Variants in NLGN1 observed in about 807,000 individuals in gnomAD.
NLGN1 encodes the protein neuroligin 1.
A neutral mutation model predicts 65.5 loss-of-function variants in NLGN1; 12 were observed. That is an observed-to-expected ratio of 0.18 (90% CI 0.12 to 0.30). The LOEUF (loss-of-function observed/expected upper bound fraction) is 0.30. Ranked by LOEUF, NLGN1 falls within the 10% of genes least tolerant of loss-of-function variation. The pLI is 1.00. For missense variants in NLGN1, 750 were observed against 1,007.1 expected (o/e 0.74, Z 3.46); for synonymous variants, 350 against 359.5 (o/e 0.97, Z 0.30).
intron 4 of NLGN1, among the ~76,000 whole-genome samples, chr3:174,165,355 T>C (rs1419125971): frequency 6.6e-6 from 1 of 152,064 alleles, no homozygotes; most frequent in Non-Finnish European, 1.5e-5. Flanking sequence ...ACGTGGTTCT[T>C]ATTTTGCGGT....
At chr3:174,231,486 A>T (rs918629164) in intron 4 of NLGN1, among the ~76,000 whole-genome samples, 5 of 152,176 alleles carry the variant, frequency 3.3e-5, no homozygotes, top group Non-Finnish European at 7.3e-5. Flanking sequence ...CTATTGTTAC[A>T]GGTGCATACT....
intron 3 of NLGN1, among the ~76,000 whole-genome samples, chr3:173,740,731 T>G (rs1436312769): frequency 6.6e-6 from 1 of 152,110 alleles, no homozygotes. Context: ...ACACCATAGT[T>G]TATAGGCAAG....
intron 3 of NLGN1, among the ~76,000 whole-genome samples, chr3:173,718,881 A>G (rs1770329505): frequency 6.6e-6 from 1 of 152,192 alleles, no homozygotes; most frequent in Non-Finnish European, 1.5e-5. Context: ...AGGTTTTATG[A>G]TTGGTGAACT....
chr3:174,237,748 G>A (rs1439943030), intron 4 of NLGN1, among the ~76,000 whole-genome samples: 1 of 152,026 alleles, frequency 6.6e-6, no homozygotes, highest in Non-Finnish European at 1.5e-5. Context: ...GTAGAGTTGG[G>A]GTTTCACCAT....
exon 7 of NLGN1, chr3:174,281,462 G>C: frequency 1.8e-6 from 1 of 548,808 alleles, no homozygotes; most frequent in Admixed American, 3.5e-5. Flanking sequence ...AAAATGAATT[G>C]TATATATACA....
At chr3:173,901,372 T>TGG (rs1737346668) in intron 4 of NLGN1, among the ~76,000 whole-genome samples, 1 of 136,072 alleles carries the variant, frequency 7.3e-6, no homozygotes, top group Non-Finnish European at 1.6e-5. Context: ...TTTGGGGGGG[T>TGG]GTGTGTGTGT....
chr3:173,645,359 CT>C (rs1428447967), intron 3 of NLGN1, among the ~76,000 whole-genome samples: 3 of 152,212 alleles, frequency 2.0e-5, no homozygotes, highest in Non-Finnish European at 4.4e-5. Context: ...CAACATTGGG[CT>C]TTTGGAGGTT....
chr3:173,443,532 T>G (rs1465149342), intron 2 of NLGN1, among the ~76,000 whole-genome samples: 1 of 152,042 alleles, frequency 6.6e-6, no homozygotes, highest in African/African-American at 2.4e-5. Flanking sequence ...AATAAACATA[T>G]ATATTGTATG....
intron 4 of NLGN1, among the ~76,000 whole-genome samples, chr3:174,013,309 T>C (rs1725905471): frequency 6.6e-6 from 1 of 152,200 alleles, no homozygotes; most frequent in African/African-American, 2.4e-5. Flanking sequence ...TGAAAGGTTC[T>C]ACTGTTGCAT....
chr3:173,911,213 C>A (rs77028248), intron 4 of NLGN1, among the ~76,000 whole-genome samples: 3,077 of 152,092 alleles, frequency 0.02, 46 homozygotes, highest in African/African-American at 0.039. Context: ...CTGTTACAAG[C>A]GCCAGTGCTT....
At chr3:174,254,576 A>T (rs2152847215) in intron 4 of NLGN1, among the ~76,000 whole-genome samples, 1 of 152,124 alleles carries the variant, frequency 6.6e-6, no homozygotes, top group African/African-American at 2.4e-5. Context: ...GTTAGATGAA[A>T]ATAAACATAT....
intron 4 of NLGN1, among the ~76,000 whole-genome samples, chr3:174,067,076 A>ATACT (rs1738773781): frequency 2.0e-5 from 3 of 152,130 alleles, no homozygotes; most frequent in Non-Finnish European, 4.4e-5. Context: ...CACTGAGAGA[A>ATACT]GTTACCTTAA....
intron 4 of NLGN1, among the ~76,000 whole-genome samples, chr3:174,196,277 A>G (rs1577312170): frequency 6.6e-6 from 1 of 152,110 alleles, no homozygotes; most frequent in South Asian, 2.1e-4. Context: ...ATAGTTATTG[A>G]TAAATCAGAA....
chr3:173,436,274 A>G (rs2148770721), intron 2 of NLGN1, among the ~76,000 whole-genome samples: 1 of 152,352 alleles, frequency 6.6e-6, no homozygotes, highest in East Asian at 1.9e-4. Flanking sequence ...CATCTAGAAT[A>G]TATTTCCCAA....
chr3:174,168,239 A>G (rs1465195658), intron 4 of NLGN1, among the ~76,000 whole-genome samples: 1 of 152,070 alleles, frequency 6.6e-6, no homozygotes, highest in African/African-American at 2.4e-5. Context: ...GTTAGGGATC[A>G]TTGCCAGAGA....
chr3:173,782,615 C>G (rs1456427549), intron 3 of NLGN1, among the ~76,000 whole-genome samples: 1 of 151,798 alleles, frequency 6.6e-6, no homozygotes, highest in African/African-American at 2.4e-5. Context: ...TCACTCCATG[C>G]CTCGGGCAGC....
intron 2 of NLGN1, among the ~76,000 whole-genome samples, chr3:173,588,642 A>G (rs995310528): frequency 1.3e-5 from 2 of 152,116 alleles, no homozygotes; most frequent in South Asian, 2.1e-4. Context: ...TTCTGTGCCT[A>G]TTTCCGTTGC....
At chr3:174,061,151 G>A (rs746407288) in intron 4 of NLGN1, among the ~76,000 whole-genome samples, 37 of 151,998 alleles carry the variant, frequency 2.4e-4, no homozygotes, top group Admixed American at 4.6e-4. Context: ...TTAAAAGGTC[G>A]TAATGAAGTT....
intron 4 of NLGN1, among the ~76,000 whole-genome samples, chr3:173,955,129 T>A (rs1387207385): frequency 6.6e-6 from 1 of 152,180 alleles, no homozygotes; most frequent in East Asian, 1.9e-4. Context: ...ACACAGAAAT[T>A]TGATATTCAT....
Sources: allele counts gnomAD v4.1 joint callset (sites outside exome capture counted in the v4.1 genomes callset), GRCh38; gene constraint gnomAD v4.1.1; transcripts MANE v1.5; gene names NCBI Gene and HGNC (gene_info 2026-07-23, HGNC 2026-07-21).